The following NECTIN3 variants were observed in gnomAD, a reference collection of about 807,000 sequenced individuals.
NECTIN3 encodes nectin-3.
NECTIN3 carries 8 observed loss-of-function variants against 49.4 expected under a neutral mutation model. The observed-to-expected ratio is 0.16, with a 90% CI of 0.10 to 0.29. NECTIN3 has a LOEUF of 0.29. Among genes scored for constraint, NECTIN3 ranks in the 10% least tolerant of loss-of-function variants. The pLI, the probability that NECTIN3 is intolerant of heterozygous loss-of-function variation, is 1.00. For missense variants in NECTIN3, 581 were observed against 654.6 expected (o/e 0.89, Z 1.23); for synonymous variants, 277 against 241.1 (o/e 1.15, Z -1.38).
At chr3:111,107,520 C>T (rs2033236763) in intron 1 of NECTIN3, among the ~76,000 whole-genome samples, 1 of 152,056 alleles carries the variant, frequency 6.6e-6, no homozygotes, top group African/African-American at 2.4e-5. Context: ...TAGAGTCTTG[C>T]TAGATGTGGA....
chr3:111,081,009 G>A (rs1383053507), intron 1 of NECTIN3, among the ~76,000 whole-genome samples: 1 of 152,296 alleles, frequency 6.6e-6, no homozygotes, highest in African/African-American at 2.4e-5. Flanking sequence ...CAGGCTGGGT[G>A]CAGTGGCTCA....
At position 111,135,948 on chromosome 3, in the gene NECTIN3, T is replaced by C. The variant is rs2107498587; in HGVS notation, c.*1733T>C. On this transcript the variant is annotated 3_prime_UTR_variant, in exon 6 of 6. Coordinates refer to ENST00000485303, the MANE Select transcript of NECTIN3 (RefSeq NM_015480.3). The stretch of plus-strand genomic sequence containing the variant: ...ATAAATAAAGTTCACTTATATCTTC[T>C]TACAAATGTCTGGGTTTTAATATGG... 1 of 930,390 alleles carries C rather than the reference T, an allele frequency of 1.1e-6. No homozygotes were observed. Among genetic ancestry groups the C allele is most frequent in the South Asian group, 5.0e-5 (1 of 20,108 alleles). 57.6% of individuals were successfully genotyped at this position (930,390 alleles called of 1,614,324 possible).
intron 5 of NECTIN3, among the ~76,000 whole-genome samples, chr3:111,131,778 G>C (rs1487918577): frequency 2.0e-5 from 3 of 151,552 alleles, no homozygotes; most frequent in African/African-American, 4.8e-5. Context: ...TGTCTTATTT[G>C]GTGAGAGCTC....
chr3:111,086,426 T>C (rs1338402366), intron 1 of NECTIN3, among the ~76,000 whole-genome samples: 1 of 152,220 alleles, frequency 6.6e-6, no homozygotes, highest in African/African-American at 2.4e-5. Flanking sequence ...GTAGTACATC[T>C]AAAATTTATT....
chr3:111,177,780 G>A (rs534740931), intron 7 of NECTIN3, among the ~76,000 whole-genome samples: 1 of 152,244 alleles, frequency 6.6e-6, no homozygotes, highest in South Asian at 2.1e-4. Context: ...AAATGTGTAG[G>A]CATTTATTAG....
chr3:111,090,836 A>T (rs1014460934), intron 1 of NECTIN3, among the ~76,000 whole-genome samples: 41 of 143,062 alleles, frequency 2.9e-4, no homozygotes, highest in Non-Finnish European at 3.6e-4. Context: ...GTGAAAAGTG[A>T]TTGTGGTTTT....
In NECTIN3 at chr3:111,164,749, G is replaced by A. The variant is rs78783637; in HGVS notation, c.1221+17265G>A. Reference sequence around the variant, plus strand: ...CAAGAACACCAATCGTTGGACTAGGGTCCACCCAAATCAGCATGACCTCAT... The same window carrying A: ...CAAGAACACCAATCGTTGGACTAGGATCCACCCAAATCAGCATGACCTCAT... On this transcript the variant is annotated intron_variant, in intron 7 of 8. Coordinates refer to the NECTIN3 transcript ENST00000493615. Among the ~76,000 whole-genome samples, 509 of 152,176 alleles carry A rather than the reference G, an allele frequency of 3.3e-3. 2 individuals carry two copies. Among genetic ancestry groups the A allele is most frequent in the African/African-American group, 0.012 (488 of 41,506 alleles).
At chr3:111,097,582 A>G (rs2032663373) in intron 1 of NECTIN3, among the ~76,000 whole-genome samples, 1 of 152,078 alleles carries the variant, frequency 6.6e-6, no homozygotes, top group Non-Finnish European at 1.5e-5. Flanking sequence ...GGTGGGAGGT[A>G]ATTGAATCAT....
rs546679715 is a variant in NECTIN3, at chr3:111,117,503, G to A, written c.503-1153G>A. ...TGCTGTAAAATTGTTCATTGCGTGT[G>A]TTGCATGTACTTTTTCATTTGTTAT... On this transcript the variant is annotated intron_variant, in intron 2 of 5. Coordinates refer to ENST00000485303, the MANE Select transcript of NECTIN3 (RefSeq NM_015480.3). 3.3e-4 allele frequency among the ~76,000 whole-genome samples: 50 copies of A among 152,140 alleles called. 1 individual carries two copies. The highest frequency in any genetic ancestry group is 1.2e-4 in the Non-Finnish European group (8 of 67,944).
chr3:111,188,485 C>T (rs1451953482), upstream of NECTIN3, among the ~76,000 whole-genome samples: 2 of 152,192 alleles, frequency 1.3e-5, no homozygotes, highest in African/African-American at 4.8e-5. Context: ...TGTCCAGGCA[C>T]CATTTTTTCC....
Position 111,136,115 on chromosome 3 carries a change from T to C in NECTIN3, c.*1900T>C. The C allele has an allele frequency of 1.0e-6, 1 of 983,838 alleles. No homozygotes were observed. Among genetic ancestry groups the C allele is most frequent in the Non-Finnish European group, 1.2e-6 (1 of 828,678 alleles). 60.9% of individuals were successfully genotyped at this position (983,838 alleles called of 1,614,324 possible). A position where few individuals can be genotyped will look rare whatever the true frequency, so the allele number is the denominator to read the frequency against. On this transcript the variant is annotated 3_prime_UTR_variant, in exon 6 of 6. Transcript: ENST00000485303. ...AGAAGAAAGATGGGTCTAAAATTTC[T>C]CCCCATGAAAGATGTAAAACTATGG...
chr3:111,141,277 C>A (rs2034738043), downstream of NECTIN3, among the ~76,000 whole-genome samples: 1 of 151,614 alleles, frequency 6.6e-6, no homozygotes, highest in Admixed American at 6.6e-5. Flanking sequence ...AGTATGGGAG[C>A]AAATCAAAGG....
downstream of NECTIN3, among the ~76,000 whole-genome samples, chr3:111,140,867 A>C (rs1264488042): frequency 6.6e-6 from 1 of 151,994 alleles, no homozygotes; most frequent in Non-Finnish European, 1.5e-5. Context: ...AACCAGTGCC[A>C]ATCCATGTAT....
intron 7 of NECTIN3, among the ~76,000 whole-genome samples, chr3:111,150,748 A>G (rs1229550260): frequency 1.3e-5 from 2 of 151,772 alleles, no homozygotes; most frequent in Admixed American, 6.6e-5. Flanking sequence ...TAAACAACAT[A>G]TTACGGTAGA....
At chr3:111,153,246 TTCTGC>T (rs2035034674) in intron 7 of NECTIN3, among the ~76,000 whole-genome samples, 1 of 151,960 alleles carries the variant, frequency 6.6e-6, no homozygotes, top group South Asian at 2.1e-4. Flanking sequence ...TGGGGCTTTA[TTCTGC>T]TCTGAGGTGG....
chr3:111,124,506 T>C (rs1274843043), intron 4 of NECTIN3, among the ~76,000 whole-genome samples: 5 of 152,228 alleles, frequency 3.3e-5, no homozygotes, highest in Non-Finnish European at 5.9e-5. Flanking sequence ...TTTATTTTCA[T>C]TGTTATCCTT....
chr3:111,134,843 G>A lies in NECTIN3; in HGVS notation c.*628G>A. ...TAGAGTGGCTTTTCAAAGATATTTT[G>A]TTGCACTAAAACTGTGGTAGTAAAC... On this transcript the variant is annotated 3_prime_UTR_variant, in exon 6 of 6. Transcript: ENST00000485303. 1.3e-5 allele frequency: 13 copies of A among 981,510 alleles called. No individual in the cohort carries two copies. The highest frequency in any genetic ancestry group is 1.7e-5 in the African/African-American group (1 of 57,202). 60.8% of individuals were successfully genotyped at this position (981,510 alleles called of 1,614,324 possible).
At position 111,135,204 on chromosome 3, in the gene NECTIN3, A is replaced by G. The variant is rs1198939119; in HGVS notation, c.*989A>G. 2.5e-5 allele frequency: 24 copies of G among 978,218 alleles called. No individual in the cohort carries two copies. The highest frequency in any genetic ancestry group is 2.8e-5 in the Non-Finnish European group (23 of 823,648). 60.6% of individuals were successfully genotyped at this position (978,218 alleles called of 1,614,324 possible). On this transcript the variant is annotated 3_prime_UTR_variant, in exon 6 of 6. Coordinates refer to ENST00000485303, the MANE Select transcript of NECTIN3 (RefSeq NM_015480.3). ...ATGTTGATGTTGTTCAAATGGGTAA[A>G]TGTACAGAAAGAAAATTTTAGAGTA...
intron 7 of NECTIN3, among the ~76,000 whole-genome samples, chr3:111,177,036 C>T (rs896300627): frequency 6.6e-6 from 1 of 152,004 alleles, no homozygotes; most frequent in African/African-American, 2.4e-5. Flanking sequence ...CTTATTTTTG[C>T]AAAGAATGGC....
Sources: allele counts gnomAD v4.1 joint callset (sites outside exome capture counted in the v4.1 genomes callset), GRCh38; gene constraint gnomAD v4.1.1; transcripts MANE v1.5; gene names NCBI Gene and HGNC (gene_info 2026-07-23, HGNC 2026-07-21).